Variants in ZNF827 observed in about 807,000 individuals in gnomAD.
ZNF827 encodes zinc finger protein 827.
ZNF827 carries 13 observed loss-of-function variants against 102.4 expected under a neutral mutation model. The observed-to-expected ratio is 0.13, with a 90% confidence interval of 0.08 to 0.20. ZNF827 has a LOEUF of 0.20. ZNF827 is among the 10% of genes least tolerant of loss of function. ZNF827 has a pLI of 1.00. For missense variants in ZNF827, 1,103 were observed against 1,344.4 expected, an observed-to-expected ratio of 0.82 and a Z score of 2.81; for synonymous variants, 523 against 536.2, an observed-to-expected ratio of 0.98 and a Z score of 0.34.
At position 145,938,371 on chromosome 4, in the gene ZNF827, G is replaced by A; in HGVS notation, c.37C>T (p.Pro13Ser). 1 of 1,613,554 alleles carries A rather than the reference G, an allele frequency of 6.2e-7. No homozygotes were observed. Among genetic ancestry groups the A allele is most frequent in the African/African-American group, 1.3e-5 (1 of 74,978 alleles). ...TGGAGAAGGGATGACTTACGTGAGG[G>A]AAGGCGCTTGGGCTGCTCCTGCTTC... ...RRKQEQPKRL[P>S]SHVSRQEEAE... The change falls in exon 1 of 15, where the codon CCC becomes TCC. Residue 13 changes from proline to serine, a missense_variant. Coordinates refer to ENST00000508784, the MANE Select transcript of ZNF827 (RefSeq NM_001306215.2).
chr4:145,930,846 T>C (rs564750694), intron 1 of ZNF827, among the ~76,000 whole-genome samples: 59 of 152,290 alleles, frequency 3.9e-4, no homozygotes, highest in African/African-American at 1.4e-3. Flanking sequence ...TGCGTGTGTG[T>C]GTGTGTGCGC....
intron 8 of ZNF827, among the ~76,000 whole-genome samples, chr4:145,797,663 C>A (rs1740507768): frequency 6.6e-6 from 1 of 152,062 alleles, no homozygotes; most frequent in Non-Finnish European, 1.5e-5. Context: ...GAGTAGAATC[C>A]TTGTTTTTCT....
chr4:145,765,585 C>T lies in ZNF827; in HGVS notation c.3014G>A (p.Ser1005Asn). The change falls in exon 12 of 15, where the codon AGC becomes AAC. Residue 1005 changes from serine to asparagine, a missense_variant. This residue lies in a region of ZNF827 where 242 missense variants were observed against 361.9 expected (regional missense o/e 0.67). Transcript: ENST00000508784. This position sits in a 1 kb window ranked among gnomAD's most constrained non-coding sequence, Gnocchi z 4.7. Reference sequence around the variant, plus strand: ...TTCCTCACTGTTCAGTGAGGGCTGGCTCCCAGGCATGACAGAGATGACCAG... The same window carrying T: ...TTCCTCACTGTTCAGTGAGGGCTGGTTCCCAGGCATGACAGAGATGACCAG... ...NLLVISVMPG[S>N]QPSLNSEEKP... 6.2e-7 allele frequency: 1 copy of T among 1,613,974 alleles called. No individual in the cohort carries two copies. The highest frequency in any genetic ancestry group is 8.5e-7 in the Non-Finnish European group (1 of 1,179,936).
At chr4:145,926,422 T>C (rs893840456) in intron 1 of ZNF827, among the ~76,000 whole-genome samples, 3 of 152,226 alleles carry the variant, frequency 2.0e-5, no homozygotes, top group Non-Finnish European at 4.4e-5. Context: ...TTTATCAATT[T>C]CTCCCTTTAA....
At chr4:145,909,354 A>T (rs970866654) in intron 1 of ZNF827, among the ~76,000 whole-genome samples, 2 of 152,224 alleles carry the variant, frequency 1.3e-5, no homozygotes, top group African/African-American at 2.4e-5. Flanking sequence ...ACCAAACAAT[A>T]AAAGGGGCAC....
At chr4:145,838,402 TGACTCTTTTCG>T (rs1745091632) in intron 7 of ZNF827, among the ~76,000 whole-genome samples, 1 of 152,190 alleles carries the variant, frequency 6.6e-6, no homozygotes, top group African/African-American at 2.4e-5. Context: ...CTCCCTTCGC[TGACTCTTTTCG>T]GACTCAGCCC....
chr4:145,781,195 C>CAAAAAAAAAAA (rs10605153), intron 8 of ZNF827, among the ~76,000 whole-genome samples: 67 of 56,550 alleles, frequency 1.2e-3, no homozygotes, highest in Non-Finnish European at 1.5e-3. Flanking sequence ...GACACCATCT[C>CAAAAAAAAAAA]AAAAAAAAAA....
intron 2 of ZNF827, among the ~76,000 whole-genome samples, chr4:145,894,310 C>G (rs1414010783): frequency 2.0e-5 from 3 of 152,094 alleles, no homozygotes; most frequent in Non-Finnish European, 4.4e-5. Flanking sequence ...ACCCAGGAAA[C>G]CACTAAGCAG....
intron 1 of ZNF827, among the ~76,000 whole-genome samples, chr4:145,925,586 G>A (rs1314139246): frequency 1.3e-5 from 2 of 152,184 alleles, no homozygotes; most frequent in African/African-American, 4.8e-5. Context: ...CTTAATGAAT[G>A]AGCACCAAGT....
At chr4:145,767,551 A>G (rs893188745) in intron 11 of ZNF827, among the ~76,000 whole-genome samples, 9 of 152,188 alleles carry the variant, frequency 5.9e-5, no homozygotes, top group Non-Finnish European at 8.8e-5. Context: ...GAAGAAACCT[A>G]TACAAAAAAA....
At chr4:145,855,324 C>T (rs1242774833) in intron 5 of ZNF827, among the ~76,000 whole-genome samples, 1 of 152,146 alleles carries the variant, frequency 6.6e-6, no homozygotes, top group Non-Finnish European at 1.5e-5. Context: ...TGGGATAAAT[C>T]AAAAATCTTT....
At chr4:145,819,946 G>C (rs572458353) in intron 8 of ZNF827, 6 of 152,340 alleles carry the variant, frequency 3.9e-5, no homozygotes, top group Admixed American at 3.9e-4. Context: ...TGTTTCTCTG[G>C]GACGGTGGCA....
At chr4:145,774,387 T>C in intron 11 of ZNF827, 119 bp downstream of exon 11, 1 of 1,174,226 alleles carries the variant, frequency 8.5e-7, no homozygotes, top group Non-Finnish European at 1.2e-6. Context: ...AAGTCCTTCC[T>C]TCCATGGAAG....
At chr4:145,878,622 A>C (rs565851474) in intron 4 of ZNF827, among the ~76,000 whole-genome samples, 20 of 143,696 alleles carry the variant, frequency 1.4e-4, no homozygotes, top group African/African-American at 3.3e-4. Context: ...AAGGAAAGGA[A>C]AGGAAAGGAA....
chr4:145,844,492 C>G (rs1745724790), intron 7 of ZNF827, among the ~76,000 whole-genome samples: 2 of 151,274 alleles, frequency 1.3e-5, no homozygotes. Flanking sequence ...CCAGCCTGGG[C>G]AACATGGCGA....
At chr4:145,883,614 G>C (rs1355265348) in intron 4 of ZNF827, among the ~76,000 whole-genome samples, 1 of 152,152 alleles carries the variant, frequency 6.6e-6, no homozygotes, top group Non-Finnish European at 1.5e-5. Flanking sequence ...ATACACAAGT[G>C]TTTTATCCAA....
rs899985065 is a variant in ZNF827, at chr4:145,892,248, T to C, written c.1261A>G (p.Met421Val). ...GCAGTCGGTAGGTGGCTTACCTTCA[T>C]GTGGGATTTGAGATTGTCCTTGCGA... ...CARKDNLKSHMKVHQHQDRGE... is the reference protein window; with the variant it reads ...CARKDNLKSHVKVHQHQDRGE... The change falls in exon 3 of 15, where the codon ATG (methionine) becomes GTG (valine). Residue 421 changes from methionine to valine, a missense_variant. Met to Val is a conservative substitution (Grantham distance 21). Around this residue, in one of 5 missense-constraint regions of ZNF827, gnomAD observed 157 missense variants for 211.7 expected, o/e 0.74. Coordinates refer to ENST00000508784, the MANE Select transcript of ZNF827 (RefSeq NM_001306215.2). The C allele has an allele frequency of 4.4e-6, 7 of 1,607,752 alleles. No individual in the cohort carries two copies. Among genetic ancestry groups the C allele is most frequent in the Non-Finnish European group, 6.0e-6 (7 of 1,175,634 alleles).
rs191075318 is a variant in ZNF827 at position 145,867,666 on chromosome 4, T to A, written c.1981+2579A>T. Among the ~76,000 whole-genome samples the A allele has an allele frequency of 3.5e-3, 530 of 152,336 alleles. 2 individuals are homozygous for A. Among genetic ancestry groups the A allele is most frequent in the Non-Finnish European group, 5.9e-3 (400 of 68,030 alleles). ...AGGAAAAGTATGCCTCATCCTTGCA[T>A]AACTAAGTATCCTCAACCAACTCTT... On this transcript the variant is annotated intron_variant, in intron 5 of 14. Coordinates refer to ENST00000508784, the MANE Select transcript of ZNF827 (RefSeq NM_001306215.2).
chr4:145,894,527 C>CA (rs1394303174), intron 2 of ZNF827, among the ~76,000 whole-genome samples: 1 of 152,162 alleles, frequency 6.6e-6, no homozygotes, highest in Non-Finnish European at 1.5e-5. Flanking sequence ...AGGAGCACTT[C>CA]AACTGGATGG....
Sources: gnomAD v4.1 joint callset for allele counts (sites outside exome capture counted in the v4.1 genomes callset) on GRCh38, gnomAD v4.1.1 for gene constraint, gnomAD v4.1.1 regional missense constraint, Gnocchi (gnomAD v3.1) non-coding constraint, MANE v1.5 for transcripts, NCBI Gene and HGNC (gene_info 2026-07-23, HGNC 2026-07-21) for gene names.